OTUD7B: variants seen among roughly 807,000 people sequenced by gnomAD.
The protein encoded by OTUD7B is OTU deubiquitinase 7B, also known as OTU domain-containing protein 7B.
OTUD7B carries 34 observed loss-of-function variants against 82.2 expected under a neutral mutation model. That is an observed-to-expected ratio of 0.41 (90% confidence interval 0.31 to 0.55). OTUD7B has a LOEUF of 0.55. Ranked by LOEUF, OTUD7B falls within the 20% of genes least tolerant of loss-of-function variation. The pLI is 0.20. For synonymous variants in OTUD7B, 398 were observed against 402.7 expected, an observed-to-expected ratio of 0.99 and a Z score of 0.14; for missense variants, 944 against 1,062.1, an observed-to-expected ratio of 0.89 and a Z score of 1.55.
chr1:149,998,112 T>C (rs1652035256), intron 1 of OTUD7B, among the ~76,000 whole-genome samples: 1 of 152,152 alleles, frequency 6.6e-6, no homozygotes, highest in Non-Finnish European at 1.5e-5. Flanking sequence ...TGATCATTCT[T>C]ACCTAACCTT....
the OTUD7B span, among the ~76,000 whole-genome samples, chr1:150,048,769 T>C: frequency 6.6e-6 from 1 of 152,100 alleles, no homozygotes; most frequent in Non-Finnish European, 1.5e-5. Context: ...ATGATTTCCA[T>C]GTACAAAACA....
At chr1:149,949,491 T>TA in intron 9 of OTUD7B, 138 bp downstream of exon 9, 1 of 894,002 alleles carries the variant, frequency 1.1e-6, no homozygotes, top group Non-Finnish European at 1.7e-6. Flanking sequence ...AACTCTGGCG[T>TA]AACTTCTGGC....
chr1:149,940,673 TC>T lies in OTUD7B; in HGVS notation c.*3183del, dbSNP rs1215821051. On this transcript the variant is annotated 3_prime_UTR_variant, in exon 12 of 12. Transcript: ENST00000581312. ...TCACTTGGGGTTAAAGGGTCTACCT[TC>T]CCCCTTCACTCACACACCCCTCCTT... The T allele has an allele frequency of 9.9e-5, 15 of 152,128 alleles. No homozygotes were observed. The highest frequency in any genetic ancestry group is 5.9e-4 in the Admixed American group (9 of 15,284). The allele number at this position is 152,128 out of a possible 1,614,324, so 9.4% of individuals were successfully genotyped here.
chr1:150,057,571 G>A, the OTUD7B span, among the ~76,000 whole-genome samples: 3 of 152,158 alleles, frequency 2.0e-5, no homozygotes, highest in Admixed American at 6.5e-5. Context: ...GCTTCTGTAA[G>A]GAGATTGGAT....
chr1:150,015,089 C>T (rs1419591029), upstream of OTUD7B, among the ~76,000 whole-genome samples: 1 of 152,120 alleles, frequency 6.6e-6, no homozygotes, highest in Admixed American at 6.5e-5. Context: ...CCACGACAGT[C>T]ATTTATTAAA....
chr1:149,943,971 G>A lies in OTUD7B; in HGVS notation c.2418C>T (p.Asn806=), dbSNP rs1553771098. Reference sequence around the variant, plus strand: ...TCTCAGGGTGTCCATAGAAGCTGCAGTTCGGTTGTTTGCATTTGGTCTGAG... The same window carrying A: ...TCTCAGGGTGTCCATAGAAGCTGCAATTCGGTTGTTTGCATTTGGTCTGAG... ...PPTQTKCKQP[N]CSFYGHPETN... Residue 806 remains asparagine, a synonymous_variant, in exon 12 of 12, where the codon AAC becomes AAT. Coordinates refer to ENST00000581312, the MANE Select transcript of OTUD7B (RefSeq NM_020205.4). 4 of 1,614,250 alleles carry A rather than the reference G, an allele frequency of 2.5e-6. No individual in the cohort carries two copies. Among genetic ancestry groups the A allele is most frequent in the East Asian group, 2.2e-5 (1 of 44,884 alleles).
At chr1:150,043,298 G>A in the OTUD7B span, among the ~76,000 whole-genome samples, 1 of 152,170 alleles carries the variant, frequency 6.6e-6, no homozygotes, top group African/African-American at 2.4e-5. Context: ...AGGTAAAAAG[G>A]TGTTAGGACC....
chr1:150,018,026 C>A, the OTUD7B span, among the ~76,000 whole-genome samples: 1 of 152,098 alleles, frequency 6.6e-6, no homozygotes, highest in Non-Finnish European at 1.5e-5. Context: ...TATGGACGAG[C>A]CTGCAAAGCA....
At chr1:149,957,074 T>C (rs1553774708) in intron 7 of OTUD7B, among the ~76,000 whole-genome samples, 1 of 152,246 alleles carries the variant, frequency 6.6e-6, no homozygotes, top group Non-Finnish European at 1.5e-5. Context: ...TTTGTTCTGT[T>C]GCTGGTGAGG....
the OTUD7B span, among the ~76,000 whole-genome samples, chr1:150,042,975 ATTAT>A: frequency 2.0e-5 from 3 of 152,208 alleles, no homozygotes; most frequent in African/African-American, 7.2e-5. Flanking sequence ...AATAGATAAC[ATTAT>A]TTGTTTTTAA....
At chr1:150,014,106 AG>A (rs782037776), upstream of OTUD7B, among the ~76,000 whole-genome samples, 111,735 of 116,068 alleles carry the variant, frequency 0.96, 53,858 homozygotes, top group Non-Finnish European at 0.99. Context: ...ATATATATAT[AG>A]TAGGGGCTCA....
At chr1:149,946,234 G>C (rs1170173011) in intron 11 of OTUD7B, among the ~76,000 whole-genome samples, 3 of 146,116 alleles carry the variant, frequency 2.1e-5, no homozygotes, top group Non-Finnish European at 3.0e-5. Context: ...ATGGTGGCGG[G>C]CACCTGCAAT....
intron 1 of OTUD7B, among the ~76,000 whole-genome samples, chr1:149,999,110 G>C (rs587710147): frequency 6.6e-6 from 1 of 152,066 alleles, no homozygotes; most frequent in African/African-American, 2.4e-5. Context: ...CCAAGTGTTC[G>C]GTGGAAAGGA....
At chr1:150,027,193 C>G in the OTUD7B span, among the ~76,000 whole-genome samples, 1 of 152,272 alleles carries the variant, frequency 6.6e-6, no homozygotes, top group African/African-American at 2.4e-5. Flanking sequence ...TAACTAGGCT[C>G]TAGGGATATA....
In OTUD7B at chr1:149,944,678, G is replaced by GC; in HGVS notation, c.1710dup (p.Pro571AlafsTer4). 2 of 1,613,640 alleles carry GC rather than the reference G, an allele frequency of 1.2e-6. No individual in the cohort carries two copies. Among genetic ancestry groups the GC allele is most frequent in the Non-Finnish European group, 1.7e-6 (2 of 1,179,966 alleles). Reference sequence around the variant, plus strand: ...TCAGCTGGGGGCTTCTCAGACACAGGCCCATCCCCAGCTGCCTCCTCCTTG... The same window carrying GC: ...TCAGCTGGGGGCTTCTCAGACACAGGCCCCATCCCCAGCTGCCTCCTCCTTG... On this transcript the variant is annotated frameshift_variant, in exon 12 of 12. Transcript: ENST00000581312. LOFTEE classifies it high-confidence loss of function.
chr1:150,064,197 T>C, the OTUD7B span, among the ~76,000 whole-genome samples: 2 of 152,226 alleles, frequency 1.3e-5, no homozygotes, highest in African/African-American at 4.8e-5. Flanking sequence ...AATACTTTTT[T>C]GCACATTATT....
chr1:150,000,872 G>A (rs945989280), intron 1 of OTUD7B, among the ~76,000 whole-genome samples: 9 of 151,998 alleles, frequency 5.9e-5, no homozygotes, highest in East Asian at 1.9e-4. Context: ...CCAGCTGCTC[G>A]GGAGGCTGAG....
chr1:150,049,816 G>T, the OTUD7B span, among the ~76,000 whole-genome samples: 1 of 151,850 alleles, frequency 6.6e-6, no homozygotes, highest in African/African-American at 2.4e-5. Flanking sequence ...GAACTACTGG[G>T]CTCCGCCTTG....
At chr1:150,008,535 C>A (rs1455249403) in intron 1 of OTUD7B, among the ~76,000 whole-genome samples, 1 of 152,154 alleles carries the variant, frequency 6.6e-6, no homozygotes, top group Non-Finnish European at 1.5e-5. Context: ...CAGTAGATAG[C>A]CAGCTCTTGC....
Sources: gnomAD v4.1 joint callset for allele counts (sites outside exome capture counted in the v4.1 genomes callset) on GRCh38, gnomAD v4.1.1 for gene constraint, MANE v1.5 for transcripts, NCBI Gene and HGNC (gene_info 2026-07-23, HGNC 2026-07-21) for gene names.